The following GALNT13 variants were observed in gnomAD, a reference collection of about 807,000 sequenced individuals.
GALNT13 encodes the protein UDP-GalNAc:polypeptide N-acetylgalactosaminyltransferase 13.
GALNT13 carries 28 observed loss-of-function variants against 64.2 expected under a neutral mutation model. The observed-to-expected ratio is 0.44, with a 90% CI of 0.32 to 0.60. GALNT13 has a LOEUF of 0.60. Among genes scored for constraint, GALNT13 ranks in the 20% least tolerant of loss-of-function variants. GALNT13 has a pLI of 0.05. For missense variants in GALNT13, 577 were observed against 669.8 expected (o/e 0.86, Z 1.53); for synonymous variants, 214 against 224.6 (o/e 0.95, Z 0.42).
At position 154,154,030 on chromosome 2, in the gene GALNT13, C is replaced by T. The variant is rs189839556; in HGVS notation, c.311+13525C>T. 2.8e-3 allele frequency among the ~76,000 whole-genome samples: 428 copies of T among 152,314 alleles called. 1 individual carries two copies. The highest frequency in any genetic ancestry group is 3.5e-3 in the South Asian group (17 of 4,834). ...AATCACCCATCTTCTGTGTTGCTCACGCTGGGAGCTGTAGACCAGAGCTGT... is the reference window on the plus strand; with the variant it reads ...AATCACCCATCTTCTGTGTTGCTCATGCTGGGAGCTGTAGACCAGAGCTGT... On this transcript the variant is annotated intron_variant, in intron 4 of 12. Coordinates refer to ENST00000392825, the MANE Select transcript of GALNT13 (RefSeq NM_052917.4).
chr2:154,326,799 A>G (rs1001414805), intron 9 of GALNT13, among the ~76,000 whole-genome samples: 1 of 152,120 alleles, frequency 6.6e-6, no homozygotes, highest in Non-Finnish European at 1.5e-5. Flanking sequence ...AAGGACAAAA[A>G]CAAAAATCAT....
chr2:153,777,996 G>C, the GALNT13 span, among the ~76,000 whole-genome samples: 1 of 152,170 alleles, frequency 6.6e-6, no homozygotes, highest in African/African-American at 2.4e-5. Flanking sequence ...TCAGCAGATG[G>C]GAGAGCCAGA....
the GALNT13 span, among the ~76,000 whole-genome samples, chr2:153,652,629 A>G: frequency 6.6e-6 from 1 of 152,230 alleles, no homozygotes. Context: ...AAAGGAAAAA[A>G]ATTAGAGACA....
chr2:153,576,744 G>A, the GALNT13 span, among the ~76,000 whole-genome samples: 1 of 152,094 alleles, frequency 6.6e-6, no homozygotes, highest in Admixed American at 6.6e-5. Context: ...TAGTTCTCAT[G>A]AAGATGTTTT....
At chr2:153,321,971 GT>G in the GALNT13 span, among the ~76,000 whole-genome samples, 1 of 64,904 alleles carries the variant, frequency 1.5e-5, no homozygotes, top group Non-Finnish European at 3.8e-5. Context: ...TGTGTGTAAA[GT>G]TGTGTGTGTG....
At chr2:154,263,439 T>A (rs1690810513) in intron 8 of GALNT13, among the ~76,000 whole-genome samples, 1 of 152,188 alleles carries the variant, frequency 6.6e-6, no homozygotes, top group South Asian at 2.1e-4. Flanking sequence ...AGTCATAACA[T>A]TCCTGAGAAT....
intron 3 of GALNT13, among the ~76,000 whole-genome samples, chr2:154,115,372 A>G (rs1416636404): frequency 6.6e-6 from 1 of 152,104 alleles, no homozygotes; most frequent in Non-Finnish European, 1.5e-5. Context: ...TTACATATGT[A>G]TACATGTGCC....
At chr2:153,345,639 CTTT>C in the GALNT13 span, among the ~76,000 whole-genome samples, 218 of 69,552 alleles carry the variant, frequency 3.1e-3, 1 homozygote, top group Middle Eastern at 0.012. Context: ...CTTTCTTTTT[CTTT>C]CTTTCTTTCT....
intron 3 of GALNT13, among the ~76,000 whole-genome samples, chr2:153,977,540 C>A (rs112980581): frequency 0.014 from 2,117 of 152,210 alleles, 48 homozygotes; most frequent in African/African-American, 0.047. Context: ...AAACCACCAC[C>A]ATGATTCAAT....
the GALNT13 span, among the ~76,000 whole-genome samples, chr2:153,747,223 A>G: frequency 2.0e-5 from 3 of 152,010 alleles, no homozygotes; most frequent in Admixed American, 6.6e-5. Context: ...ATCCAATTAC[A>G]TTCCTATAAT....
the GALNT13 span, among the ~76,000 whole-genome samples, chr2:153,381,286 T>C: frequency 6.6e-6 from 1 of 152,084 alleles, no homozygotes; most frequent in East Asian, 1.9e-4. Flanking sequence ...CAAATTTTGA[T>C]AGTTGAAAGG....
the GALNT13 span, among the ~76,000 whole-genome samples, chr2:153,604,643 G>C: frequency 2.0e-4 from 31 of 151,992 alleles, no homozygotes; most frequent in Non-Finnish European, 2.9e-5. Flanking sequence ...AAGCTTGATA[G>C]TTTGAGTTAT....
At chr2:153,089,173 G>A in the GALNT13 span, among the ~76,000 whole-genome samples, 1 of 152,076 alleles carries the variant, frequency 6.6e-6, no homozygotes, top group Non-Finnish European at 1.5e-5. Context: ...GCTTGGTAGT[G>A]GTGAATTCTC....
At chr2:153,266,257 G>T in the GALNT13 span, among the ~76,000 whole-genome samples, 1 of 152,188 alleles carries the variant, frequency 6.6e-6, no homozygotes, top group South Asian at 2.1e-4. Flanking sequence ...GCTTTAGTAA[G>T]ATGTATCTGA....
chr2:153,294,592 C>T, the GALNT13 span, among the ~76,000 whole-genome samples: 9 of 152,046 alleles, frequency 5.9e-5, no homozygotes, highest in East Asian at 1.9e-4. Context: ...GAATTTCTTG[C>T]GTCTTGAATA....
intron 2 of GALNT13, among the ~76,000 whole-genome samples, chr2:153,901,223 A>T (rs1033652601): frequency 1.3e-5 from 2 of 152,154 alleles, no homozygotes; most frequent in Non-Finnish European, 1.5e-5. Context: ...AGTTTTGGTT[A>T]CTACAGCCCT....
chr2:153,077,816 C>T, the GALNT13 span, among the ~76,000 whole-genome samples: 5 of 152,242 alleles, frequency 3.3e-5, no homozygotes, highest in East Asian at 1.9e-4. Flanking sequence ...AAGCAAGTTT[C>T]GGGCTATTTT....
chr2:154,266,321 A>G (rs1377888857), intron 8 of GALNT13, among the ~76,000 whole-genome samples: 1 of 152,142 alleles, frequency 6.6e-6, no homozygotes, highest in Non-Finnish European at 1.5e-5. Flanking sequence ...TTAGGGAGGA[A>G]AAATTAAGAC....
chr2:153,932,372 G>A (rs1690591019), intron 2 of GALNT13, among the ~76,000 whole-genome samples: 1 of 151,756 alleles, frequency 6.6e-6, no homozygotes, highest in Admixed American at 6.6e-5. Context: ...CTTTAGGAGT[G>A]ATGTTATGTT....
Sources: gnomAD v4.1 joint callset for allele counts (sites outside exome capture counted in the v4.1 genomes callset) on GRCh38, gnomAD v4.1.1 for gene constraint, MANE v1.5 for transcripts, NCBI Gene and HGNC (gene_info 2026-07-23, HGNC 2026-07-21) for gene names.